LRMDA: variants seen among roughly 807,000 people sequenced by gnomAD.
LRMDA encodes the protein leucine-rich melanocyte differentiation-associated protein.
Under a neutral mutation model 29.8 loss-of-function variants are expected in LRMDA, and 18 were observed. The ratio of observed to expected loss-of-function variants is 0.60; its 90% CI spans 0.42 to 0.90. The LOEUF is 0.90. Ranked by LOEUF, LRMDA falls within the 40% of genes least tolerant of loss-of-function variation. The pLI is 0.00. For synonymous variants in LRMDA, 125 were observed against 109.4 expected (o/e 1.14, Z -0.89); for missense variants, 273 against 273.9 (o/e 1.00, Z 0.02).
intron 2 of LRMDA, among the ~76,000 whole-genome samples, chr10:75,621,049 C>T (rs909713798): frequency 2.0e-5 from 3 of 152,154 alleles, no homozygotes; most frequent in Non-Finnish European, 2.9e-5. Flanking sequence ...TTTGTGTCCT[C>T]GTAGCTTAGC....
chr10:76,198,076 A>G (rs1201317615), intron 5 of LRMDA, among the ~76,000 whole-genome samples: 2 of 152,180 alleles, frequency 1.3e-5, no homozygotes, highest in African/African-American at 4.8e-5. Flanking sequence ...ATGTCCTTGT[A>G]GGTGAAGCTT....
At chr10:76,404,218 A>G (rs727793) in intron 6 of LRMDA, among the ~76,000 whole-genome samples, 139,277 of 152,142 alleles carry the variant, frequency 0.92, 64,421 homozygotes, top group Middle Eastern at 0.99. Context: ...AGAGGCGGAC[A>G]CTCCCCAAAT....
intron 1 of LRMDA, among the ~76,000 whole-genome samples, chr10:75,437,276 T>G (rs1480610848): frequency 6.6e-6 from 1 of 152,244 alleles, no homozygotes; most frequent in African/African-American, 2.4e-5. Context: ...TCTGAGGATG[T>G]AAGATGGCCA....
chr10:76,264,665 T>C (rs866473315), intron 5 of LRMDA, among the ~76,000 whole-genome samples: 1 of 152,106 alleles, frequency 6.6e-6, no homozygotes, highest in Non-Finnish European at 1.5e-5. Context: ...TCGTCTGTTT[T>C]AATTCTTTGG....
At chr10:75,702,198 C>A (rs1037408805) in intron 2 of LRMDA, among the ~76,000 whole-genome samples, 1 of 152,158 alleles carries the variant, frequency 6.6e-6, no homozygotes, top group East Asian at 1.9e-4. Flanking sequence ...TGTCTACTCT[C>A]GTCACAGTCA....
intron 2 of LRMDA, among the ~76,000 whole-genome samples, chr10:75,704,508 A>G (rs1406941397): frequency 6.6e-6 from 1 of 152,188 alleles, no homozygotes; most frequent in Non-Finnish European, 1.5e-5. Context: ...CAGGACCATT[A>G]TCCACCTCCC....
intron 2 of LRMDA, among the ~76,000 whole-genome samples, chr10:75,916,202 G>C (rs1335271058): frequency 6.6e-6 from 1 of 151,554 alleles, no homozygotes; most frequent in African/African-American, 2.4e-5. Context: ...GTGTGGGTGG[G>C]TGTGCATGTG....
At chr10:75,467,615 C>T (rs943699683) in intron 2 of LRMDA, among the ~76,000 whole-genome samples, 1 of 152,050 alleles carries the variant, frequency 6.6e-6, no homozygotes, top group Non-Finnish European at 1.5e-5. Flanking sequence ...CCTGGAAGAC[C>T]CCATGCTTGT....
At chr10:75,760,602 C>T (rs958827442) in intron 2 of LRMDA, among the ~76,000 whole-genome samples, 1 of 152,184 alleles carries the variant, frequency 6.6e-6, no homozygotes, top group African/African-American at 2.4e-5. Context: ...CTCCCCTGCC[C>T]CTGTCCCCAT....
intron 4 of LRMDA, among the ~76,000 whole-genome samples, chr10:76,050,900 G>T (rs757670821): frequency 3.3e-5 from 5 of 152,186 alleles, no homozygotes; most frequent in Non-Finnish European, 7.3e-5. Context: ...TGGTCTCATG[G>T]TCTTTTAGCT....
chr10:75,794,492 G>C lies in LRMDA; in HGVS notation c.132-241516G>C, dbSNP rs371755389. Among the ~76,000 whole-genome samples the C allele has an allele frequency of 4.1e-4, 62 of 152,162 alleles. No individual in the cohort carries two copies. In the South Asian group the frequency reaches 7.1e-3, roughly 17 times the overall value. On this transcript the variant is annotated intron_variant, in intron 2 of 6. Transcript: ENST00000611255. ...ATCCTGGAGGGGGTGGGTAGATGTA[G>C]GTTTAAATTTATGAAAACTGGCCAA...
intron 3 of LRMDA, among the ~76,000 whole-genome samples, chr10:76,039,344 C>T (rs146928314): frequency 6.6e-6 from 1 of 152,216 alleles, no homozygotes; most frequent in Admixed American, 6.5e-5. Flanking sequence ...AAAGTATTAG[C>T]TCTTTTGTGT....
At chr10:76,080,794 A>G (rs1849036760) in intron 5 of LRMDA, among the ~76,000 whole-genome samples, 1 of 152,222 alleles carries the variant, frequency 6.6e-6, no homozygotes, top group South Asian at 2.1e-4. Flanking sequence ...CCAGGGCACC[A>G]TTTGTCCCAT....
intron 1 of LRMDA, 64 bp downstream of exon 1, chr10:75,431,818 A>C: frequency 7.8e-7 from 1 of 1,281,460 alleles, no homozygotes; most frequent in Non-Finnish European, 9.9e-7. Flanking sequence ...ACAGCGGGGC[A>C]CAGAGGCTCC....
chr10:76,159,105 ACTGATTCGTGTT>A (rs1230646169), intron 5 of LRMDA, among the ~76,000 whole-genome samples: 5 of 152,178 alleles, frequency 3.3e-5, no homozygotes, highest in African/African-American at 1.2e-4. Context: ...AACTTTAAAA[ACTGATTCGTGTT>A]CTTTATTTTT....
intron 5 of LRMDA, among the ~76,000 whole-genome samples, chr10:76,099,356 C>A (rs4746362): frequency 6.6e-6 from 1 of 151,424 alleles, no homozygotes; most frequent in Non-Finnish European, 1.5e-5. Flanking sequence ...ACTATCTCAG[C>A]TATAATTTTG....
intron 5 of LRMDA, among the ~76,000 whole-genome samples, chr10:76,138,160 A>T (rs1850131671): frequency 6.6e-6 from 1 of 152,180 alleles, no homozygotes; most frequent in African/African-American, 2.4e-5. Flanking sequence ...TGCAATTTAC[A>T]GACCAATTAG....
intron 5 of LRMDA, among the ~76,000 whole-genome samples, chr10:76,278,002 T>C (rs1279137809): frequency 6.6e-6 from 1 of 152,194 alleles, no homozygotes; most frequent in African/African-American, 2.4e-5. Flanking sequence ...TGTGTTTCAT[T>C]TGCTTTTCCC....
chr10:75,772,789 T>C (rs1843257753), intron 2 of LRMDA, among the ~76,000 whole-genome samples: 1 of 144,386 alleles, frequency 6.9e-6, no homozygotes, highest in Non-Finnish European at 1.5e-5. Flanking sequence ...ATATTGGTCA[T>C]TTGCAGGACT....
Sources: allele counts gnomAD v4.1 joint callset (sites outside exome capture counted in the v4.1 genomes callset), GRCh38; gene constraint gnomAD v4.1.1; transcripts MANE v1.5; gene names NCBI Gene and HGNC (gene_info 2026-07-23, HGNC 2026-07-21).